RBFOX1: variants seen among roughly 807,000 people sequenced by gnomAD.
RBFOX1 encodes the protein RNA binding fox-1 homolog 1.
A neutral mutation model predicts 57.7 loss-of-function variants in RBFOX1; 8 were observed. That is an observed-to-expected ratio of 0.14 (90% CI 0.08 to 0.25). RBFOX1 has a LOEUF of 0.25. Ranked by LOEUF, RBFOX1 falls within the 10% of genes least tolerant of loss-of-function variation. The pLI is 1.00. For missense variants in RBFOX1, 611 were observed against 548.5 expected, an observed-to-expected ratio of 1.11 and a Z score of -1.14; for synonymous variants, 326 against 222.4, an observed-to-expected ratio of 1.47 and a Z score of -4.15.
At chr16:6,512,884 G>T (rs563640983) in intron 2 of RBFOX1, among the ~76,000 whole-genome samples, 1 of 152,058 alleles carries the variant, frequency 6.6e-6, no homozygotes, top group Non-Finnish European at 1.5e-5. Context: ...TTATTTTGAA[G>T]GTTTTTAACT....
rs1322592015 is a variant in RBFOX1, at chr16:5,248,702, C to G, written c.219+8597C>G. Among the ~76,000 whole-genome samples, 7 of 152,132 alleles carry G rather than the reference C, an allele frequency of 4.6e-5. No individual in the cohort carries two copies. In the East Asian group the frequency reaches 1.2e-3, roughly 25 times the overall value. ...CTGCAAAGAGATGGCAGAGTTAGGA[C>G]AAGAGGGCCGGGCACGGTGGCTCAC... is the stretch of plus-strand genomic sequence containing the variant. On this transcript the variant is annotated intron_variant, in intron 1 of 2. Transcript: ENST00000585867.
chr16:5,440,559 T>C (rs894436488), intron 1 of RBFOX1, among the ~76,000 whole-genome samples: 1 of 152,126 alleles, frequency 6.6e-6, no homozygotes, highest in Non-Finnish European at 1.5e-5. Flanking sequence ...TGAGGCCAGA[T>C]TGGAACTCTC....
At chr16:7,654,043 C>G (rs2065732335) in intron 12 of RBFOX1, 96 bp downstream of exon 12, 1 of 1,289,182 alleles carries the variant, frequency 7.8e-7, no homozygotes, top group African/African-American at 1.5e-5. Flanking sequence ...TCTTGACTCC[C>G]CCTCCGCCAC....
At chr16:5,534,680 G>A (rs1264986117) in intron 2 of RBFOX1, among the ~76,000 whole-genome samples, 5 of 152,238 alleles carry the variant, frequency 3.3e-5, no homozygotes, top group East Asian at 3.9e-4. Flanking sequence ...CTGAGGGTGG[G>A]TCTTCCTTTC....
intron 4 of RBFOX1, among the ~76,000 whole-genome samples, chr16:5,915,956 C>G (rs1252973298): frequency 6.6e-6 from 1 of 152,204 alleles, no homozygotes; most frequent in Admixed American, 6.5e-5. Context: ...ATTCAGTGCA[C>G]TGCCCTATGA....
chr16:6,743,862 G>T (rs1171192212), intron 3 of RBFOX1, among the ~76,000 whole-genome samples: 2 of 122,632 alleles, frequency 1.6e-5, no homozygotes, highest in Non-Finnish European at 3.5e-5. Context: ...CTGATTATTT[G>T]TAACACATTT....
At chr16:5,936,065 T>C (rs779076655) in intron 4 of RBFOX1, among the ~76,000 whole-genome samples, 2 of 151,866 alleles carry the variant, frequency 1.3e-5, no homozygotes, top group Non-Finnish European at 2.9e-5. Context: ...TGGAAATATA[T>C]GGTAAAAATT....
intron 3 of RBFOX1, among the ~76,000 whole-genome samples, chr16:5,708,991 T>C (rs2051353838): frequency 6.6e-6 from 1 of 152,210 alleles, no homozygotes. Flanking sequence ...TTAGCATCTC[T>C]TGTTTAATTT....
chr16:6,002,141 A>T (rs1237943691), intron 4 of RBFOX1, among the ~76,000 whole-genome samples: 1 of 151,826 alleles, frequency 6.6e-6, no homozygotes, highest in Non-Finnish European at 1.5e-5. Context: ...CCGGCTAATT[A>T]AAAGATAATT....
At chr16:6,466,251 G>A (rs1336734212) in intron 2 of RBFOX1, among the ~76,000 whole-genome samples, 1 of 150,966 alleles carries the variant, frequency 6.6e-6, no homozygotes. Flanking sequence ...AAAGGATTAA[G>A]GATTAAAAAA....
At chr16:6,295,115 T>G (rs900853319) in intron 1 of RBFOX1, among the ~76,000 whole-genome samples, 2 of 124,152 alleles carry the variant, frequency 1.6e-5, no homozygotes, top group African/African-American at 3.0e-5. Flanking sequence ...TTTTTTTTTT[T>G]TTTTTTTTTT....
chr16:5,672,697 T>A (rs1174633330), intron 3 of RBFOX1, among the ~76,000 whole-genome samples: 1 of 141,640 alleles, frequency 7.1e-6, no homozygotes, highest in Non-Finnish European at 1.5e-5. Context: ...CTCCATTAGC[T>A]GGAGATAATG....
At chr16:5,605,454 G>T (rs2047538734) in intron 3 of RBFOX1, among the ~76,000 whole-genome samples, 1 of 152,218 alleles carries the variant, frequency 6.6e-6, no homozygotes, top group African/African-American at 2.4e-5. Context: ...GGGAAGAGTG[G>T]TGCCATTGAT....
At chr16:7,181,713 C>T (rs575278036) in intron 4 of RBFOX1, among the ~76,000 whole-genome samples, 4 of 152,060 alleles carry the variant, frequency 2.6e-5, no homozygotes, top group Admixed American at 6.6e-5. Context: ...CAGGTATGCA[C>T]GATGCCTGGC....
At chr16:6,167,825 G>A (rs1023907941) in intron 1 of RBFOX1, among the ~76,000 whole-genome samples, 6 of 152,118 alleles carry the variant, frequency 3.9e-5, no homozygotes, top group African/African-American at 1.4e-4. Context: ...CCCATAGCAG[G>A]CATCTAAGGC....
chr16:5,849,987 C>T (rs1188794853), intron 3 of RBFOX1, among the ~76,000 whole-genome samples: 1 of 152,104 alleles, frequency 6.6e-6, no homozygotes, highest in Non-Finnish European at 1.5e-5. Flanking sequence ...GATGTTTGTC[C>T]TTTGGCTTGT....
At chr16:6,490,743 C>T (rs1010412676) in intron 2 of RBFOX1, among the ~76,000 whole-genome samples, 2 of 152,168 alleles carry the variant, frequency 1.3e-5, no homozygotes, top group Non-Finnish European at 2.9e-5. Flanking sequence ...TCCTCCCAGC[C>T]TGGAGACAGT....
At chr16:5,660,878 G>A (rs4786052) in intron 3 of RBFOX1, among the ~76,000 whole-genome samples, 81,371 of 152,006 alleles carry the variant, frequency 0.54, 24,662 homozygotes, top group Non-Finnish European at 0.69. Flanking sequence ...TCCTATGGCC[G>A]TAGCTGCTGC....
Position 6,085,477 on chromosome 16 carries a change from A to T in RBFOX1, c.-127+65485A>T, listed in dbSNP as rs373961865. Among the ~76,000 whole-genome samples, 13 of 152,028 alleles carry T rather than the reference A, an allele frequency of 8.6e-5. No homozygotes were observed. In the East Asian group the frequency reaches 2.1e-3, roughly 25 times the overall value. Reference sequence around the variant, plus strand: ...ATAGAGAGGGGGTTTCACCATGTTGATCTGGCTGGTCTCGAACTCCCGACT... The same window carrying T: ...ATAGAGAGGGGGTTTCACCATGTTGTTCTGGCTGGTCTCGAACTCCCGACT... On this transcript the variant is annotated intron_variant, in intron 1 of 15. Transcript: ENST00000550418.
Sources: gnomAD v4.1 joint callset for allele counts (sites outside exome capture counted in the v4.1 genomes callset) on GRCh38, gnomAD v4.1.1 for gene constraint, MANE v1.5 for transcripts, NCBI Gene and HGNC (gene_info 2026-07-23, HGNC 2026-07-21) for gene names.